RBFOX1: variants seen among roughly 807,000 people sequenced by gnomAD.
RBFOX1 encodes the protein RNA binding protein fox-1 homolog 1.
In RBFOX1, 8 loss-of-function variants were observed where a neutral mutation model predicts 57.7. The ratio of observed to expected loss-of-function variants is 0.14; its 90% CI spans 0.08 to 0.25. RBFOX1 has a LOEUF of 0.25. Ranked by LOEUF, RBFOX1 falls within the 10% of genes least tolerant of loss-of-function variation. The pLI is 1.00. For missense variants in RBFOX1, 611 were observed against 548.5 expected, an observed-to-expected ratio of 1.11 and a Z score of -1.14; for synonymous variants, 326 against 222.4, an observed-to-expected ratio of 1.47 and a Z score of -4.15.
intron 4 of RBFOX1, among the ~76,000 whole-genome samples, chr16:7,311,356 A>AT (rs1179573924): frequency 6.6e-6 from 1 of 150,798 alleles, no homozygotes; most frequent in East Asian, 2.0e-4. Flanking sequence ...TGCAATGACT[A>AT]TTTTTTTTCT....
chr16:6,984,744 A>G (rs915018401), intron 3 of RBFOX1, among the ~76,000 whole-genome samples: 2 of 151,924 alleles, frequency 1.3e-5, no homozygotes, highest in Non-Finnish European at 2.9e-5. Context: ...AGGTTCATGA[A>G]ATTCTCCTGC....
intron 2 of RBFOX1, among the ~76,000 whole-genome samples, chr16:5,589,015 G>C (rs7187000): frequency 0.1 from 15,902 of 152,174 alleles, 1,057 homozygotes; most frequent in East Asian, 0.28. Flanking sequence ...TAATCTTCTG[G>C]ATGTAGCTGA....
chr16:7,135,756 T>G (rs1377324546), intron 4 of RBFOX1, among the ~76,000 whole-genome samples: 1 of 152,242 alleles, frequency 6.6e-6, no homozygotes, highest in Admixed American at 6.5e-5. Flanking sequence ...ATGACATGAT[T>G]AACATTTTTC....
chr16:7,344,917 G>A (rs763694119), intron 4 of RBFOX1, among the ~76,000 whole-genome samples: 4 of 152,160 alleles, frequency 2.6e-5, no homozygotes, highest in Non-Finnish European at 4.4e-5. Flanking sequence ...ATATTGTGCC[G>A]CTGTCATTTC....
chr16:7,100,565 G>GT (rs201889492), intron 4 of RBFOX1, among the ~76,000 whole-genome samples: 1,292 of 118,736 alleles, frequency 0.011, 13 homozygotes, highest in Middle Eastern at 0.023. Context: ...TTTAAAGGTT[G>GT]TTTTTTTTTT....
chr16:7,614,845 C>T (rs1022924984), intron 10 of RBFOX1: 3 of 152,208 alleles, frequency 2.0e-5, no homozygotes, highest in Admixed American at 2.0e-4. Flanking sequence ...ATTATGAAGT[C>T]AAGGTTTCTG....
At chr16:7,649,998 A>G (rs776371231) in intron 11 of RBFOX1, among the ~76,000 whole-genome samples, 15 of 127,542 alleles carry the variant, frequency 1.2e-4, no homozygotes, top group East Asian at 2.5e-4. Flanking sequence ...GGGAGAAAGG[A>G]AAAGGAGGAG....
chr16:6,659,650 T>C (rs2098688776), intron 3 of RBFOX1, among the ~76,000 whole-genome samples: 1 of 152,092 alleles, frequency 6.6e-6, no homozygotes, highest in South Asian at 2.1e-4. Flanking sequence ...TCCTCTTAGT[T>C]TCAATACTAC....
At chr16:6,843,877 C>G (rs188683088) in intron 3 of RBFOX1, among the ~76,000 whole-genome samples, 2 of 152,140 alleles carry the variant, frequency 1.3e-5, no homozygotes, top group South Asian at 2.1e-4. Context: ...TTCATATCCC[C>G]TGGATTGTCC....
At chr16:6,902,509 G>A (rs1015331360) in intron 3 of RBFOX1, among the ~76,000 whole-genome samples, 1 of 152,266 alleles carries the variant, frequency 6.6e-6, no homozygotes, top group East Asian at 1.9e-4. Context: ...ATCACTTGAG[G>A]GCAGGAGTTC....
intron 2 of RBFOX1, among the ~76,000 whole-genome samples, chr16:6,500,737 C>G (rs368756457): frequency 2.0e-4 from 30 of 152,206 alleles, no homozygotes; most frequent in African/African-American, 7.2e-4. Context: ...AACATCTTGA[C>G]TGCATGTCAA....
intron 3 of RBFOX1, among the ~76,000 whole-genome samples, chr16:5,805,932 C>G (rs546740591): frequency 1.3e-5 from 2 of 152,252 alleles, no homozygotes; most frequent in South Asian, 4.1e-4. Context: ...TCTGGGGGGA[C>G]AAATGGAGAA....
intron 2 of RBFOX1, among the ~76,000 whole-genome samples, chr16:6,548,973 G>C (rs2096933040): frequency 6.6e-6 from 1 of 150,658 alleles, no homozygotes; most frequent in African/African-American, 2.5e-5. Context: ...TACTCAAGTG[G>C]CTGAGGCAGG....
intron 4 of RBFOX1, among the ~76,000 whole-genome samples, chr16:7,296,259 C>CT (rs33997825): frequency 0.029 from 3,445 of 119,696 alleles, 89 homozygotes; most frequent in African/African-American, 0.07. Context: ...TTATGTCCTC[C>CT]TTTTTTTTTT....
At chr16:7,646,328 C>T (rs1425327832) in intron 11 of RBFOX1, among the ~76,000 whole-genome samples, 2 of 152,186 alleles carry the variant, frequency 1.3e-5, no homozygotes, top group African/African-American at 4.8e-5. Flanking sequence ...TATGGTCCAG[C>T]ACATGGAATG....
intron 14 of RBFOX1, among the ~76,000 whole-genome samples, chr16:7,705,591 CA>C (rs2082178683): frequency 6.6e-6 from 1 of 152,156 alleles, no homozygotes; most frequent in South Asian, 2.1e-4. Flanking sequence ...GGGACAGAGG[CA>C]GCTTATTCAA....
chr16:5,372,497 G>C (rs2065882158), intron 1 of RBFOX1, among the ~76,000 whole-genome samples: 1 of 152,198 alleles, frequency 6.6e-6, no homozygotes, highest in Non-Finnish European at 1.5e-5. Flanking sequence ...GAAATGCTCA[G>C]TCTCCAGGAC....
chr16:6,812,540 AT>A (rs539007376), intron 3 of RBFOX1, among the ~76,000 whole-genome samples: 81 of 151,664 alleles, frequency 5.3e-4, no homozygotes, highest in Non-Finnish European at 8.8e-5. Flanking sequence ...CGCCCAGCTA[AT>A]TTTTTTTGTA....
intron 3 of RBFOX1, among the ~76,000 whole-genome samples, chr16:5,671,959 C>G (rs2050024361): frequency 1.3e-5 from 2 of 152,118 alleles, no homozygotes; most frequent in African/African-American, 4.8e-5. Context: ...AGTTTTCTCT[C>G]AAAGTGATGA....
Sources: allele counts gnomAD v4.1 joint callset (sites outside exome capture counted in the v4.1 genomes callset), GRCh38; gene constraint gnomAD v4.1.1; transcripts MANE v1.5; gene names NCBI Gene and HGNC (gene_info 2026-07-23, HGNC 2026-07-21).